Variants in FRY observed in about 807,000 individuals in gnomAD.
FRY encodes FRY microtubule binding protein, also known as protein furry homolog.
A neutral mutation model predicts 348.4 loss-of-function variants in FRY; 128 were observed. The observed-to-expected ratio is 0.37, with a 90% CI of 0.32 to 0.43. The LOEUF is 0.43. Among genes scored for constraint, FRY ranks in the 20% least tolerant of loss-of-function variants. FRY has a pLI of 1.00. For synonymous variants in FRY, 1,370 were observed against 1,374.7 expected (o/e 1.00, Z 0.08); for missense variants, 2,736 against 3,695.2 (o/e 0.74, Z 6.73).
chr13:32,264,312 A>G lies in FRY; in HGVS notation c.7780-1138A>G, dbSNP rs547182073. 3.3e-5 allele frequency among the ~76,000 whole-genome samples: 5 copies of G among 152,266 alleles called. No individual in the cohort carries two copies. The East Asian group carries it at 9.7e-4, about 29-fold the overall frequency. On this transcript the variant is annotated intron_variant, in intron 53 of 60. Coordinates refer to ENST00000542859, the MANE Select transcript of FRY (RefSeq NM_023037.3). ...CAGTATTTACCAGCAATTCCTCCAA[A>G]GACATGAGATATCTTATTTCCCTAA...
chr13:32,281,864 G>A (rs1164861069), intron 58 of FRY, among the ~76,000 whole-genome samples: 1 of 152,190 alleles, frequency 6.6e-6, no homozygotes, highest in Non-Finnish European at 1.5e-5. Context: ...TAATTGGTTA[G>A]TAGATCCTGG....
rs569137167 is a variant in FRY, at chr13:32,136,712, G to C, written c.1078-159G>C. 5.3e-5 allele frequency among the ~76,000 whole-genome samples: 8 copies of C among 152,356 alleles called. No homozygotes were observed. In the East Asian group the frequency reaches 1.5e-3, roughly 29 times the overall value. Reference sequence around the variant, plus strand: ...GAAAGCGTTTGTGAAATGCGCGCCAGTGCCCTGCATCCACTGGGCACTGTT... The same window carrying C: ...GAAAGCGTTTGTGAAATGCGCGCCACTGCCCTGCATCCACTGGGCACTGTT... On this transcript the variant is annotated intron_variant, in intron 10 of 60. Transcript: ENST00000542859.
Position 32,239,630 on chromosome 13 carries a change from C to T in FRY, c.6517-81C>T. 1.0e-6 allele frequency: 1 copy of T among 984,252 alleles called. No individual in the cohort carries two copies. The highest frequency in any genetic ancestry group is 1.6e-6 in the Non-Finnish European group (1 of 626,900). 61.0% of individuals were successfully genotyped at this position (984,252 alleles called of 1,614,324 possible). ...TGTATCAATCTACTTTCCAGATGGC[C>T]AGAGCTTATAGTAAAATTGCTAACA... On this transcript the variant is annotated intron_variant, in intron 45 of 60. Coordinates refer to ENST00000542859, the MANE Select transcript of FRY (RefSeq NM_023037.3). The surrounding 1 kb of genome is among the most constrained non-coding windows in gnomAD (Gnocchi z 4.3).
chr13:32,056,188 TA>T lies in FRY; in HGVS notation c.71-22628del, dbSNP rs1252421652. 3.2e-3 allele frequency among the ~76,000 whole-genome samples: 382 copies of T among 119,720 alleles called. 3 individuals are homozygous for T. The East Asian group carries it at 0.038, about 12-fold the overall frequency. The allele number at this position is 119,720 out of a possible 152,430, so 78.5% of individuals were successfully genotyped here. Reference sequence around the variant, plus strand: ...CCTGGTGACAGAGCGAGACTCCATCTAAAAAAAAAAAAAAAAAAGGAATATA... The same window carrying T: ...CCTGGTGACAGAGCGAGACTCCATCTAAAAAAAAAAAAAAAAAGGAATATA... On this transcript the variant is annotated intron_variant, in intron 1 of 60. Transcript: ENST00000542859.
At chr13:32,151,509 G>T (rs1365572406) in intron 14 of FRY, among the ~76,000 whole-genome samples, 2 of 152,242 alleles carry the variant, frequency 1.3e-5, no homozygotes, top group African/African-American at 2.4e-5. Flanking sequence ...GTAGGGCATT[G>T]TTTCTCGGGA....
intron 1 of FRY, among the ~76,000 whole-genome samples, chr13:32,032,121 G>A (rs1872273760): frequency 6.6e-6 from 1 of 151,926 alleles, no homozygotes; most frequent in Admixed American, 6.6e-5. Flanking sequence ...AGGCTGCAAT[G>A]GAATTACAGT....
chr13:32,297,092 A>G lies in FRY; in HGVS notation c.*1632A>G, dbSNP rs2072074495. 1 of 152,216 alleles carries G rather than the reference A, an allele frequency of 6.6e-6. No homozygotes were observed. Among genetic ancestry groups the G allele is most frequent in the African/African-American group, 2.4e-5 (1 of 41,452 alleles). 9.4% of individuals were successfully genotyped at this position (152,216 alleles called of 1,614,324 possible). On this transcript the variant is annotated 3_prime_UTR_variant, in exon 61 of 61. Transcript: ENST00000542859. Reference sequence around the variant, plus strand: ...TCATATTTTACATGGACCAACAAATATAGCTTGCTTTACTAGCATATGGCT... The same window carrying G: ...TCATATTTTACATGGACCAACAAATGTAGCTTGCTTTACTAGCATATGGCT...
intron 34 of FRY, 119 bp downstream of exon 34, chr13:32,211,153 C>A: frequency 1.1e-6 from 1 of 929,938 alleles, no homozygotes; most frequent in Non-Finnish European, 1.7e-6. Flanking sequence ...TGTGTGCATT[C>A]AGTTAAGAGA....
chr13:32,290,068 T>A (rs941524310), intron 59 of FRY, among the ~76,000 whole-genome samples: 11 of 152,304 alleles, frequency 7.2e-5, no homozygotes, highest in Non-Finnish European at 1.5e-4. Context: ...TTGAAAACTT[T>A]CCATGTGTGT....
chr13:32,237,861 C>T lies in FRY; in HGVS notation c.6293C>T (p.Ser2098Phe), dbSNP rs760117172. The change falls in exon 44 of 61, where the codon TCC (serine) becomes TTC (phenylalanine). Residue 2098 changes from serine to phenylalanine, a missense_variant. By Grantham distance (155) the Ser-to-Phe change is radical. Transcript: ENST00000542859. The surrounding 1 kb of genome is among the most constrained non-coding windows in gnomAD (Gnocchi z 6.3). ...GCACAGCTGAAGTGGGCCGACTTCT[C>T]CGGGCTGCAGCAGCTGCTGCTGAAA... ...LQAQLKWADF[S>F]GLQQLLLKGF... The T allele has an allele frequency of 1.2e-6, 2 of 1,614,176 alleles. No homozygotes were observed. Among genetic ancestry groups the T allele is most frequent in the Non-Finnish European group, 1.7e-6 (2 of 1,180,020 alleles).
Position 32,239,788 on chromosome 13 carries a change from G to A in FRY, c.6594G>A (p.Thr2198=), listed in dbSNP as rs752351313. Reference sequence around the variant, plus strand: ...CTCTTTATAAAACGCACAGCTACACGAGGGACTGTGCCACGTGGGTCAATG... The same window carrying A: ...CTCTTTATAAAACGCACAGCTACACAAGGGACTGTGCCACGTGGGTCAATG... ...VMTLYKTHSY[T]RDCATWVNVV... is the part of the protein sequence containing the mutation. The change falls in exon 46 of 61, where the codon ACG becomes ACA. Residue 2198 remains threonine, a synonymous_variant. Transcript: ENST00000542859. The surrounding 1 kb of genome is among the most constrained non-coding windows in gnomAD (Gnocchi z 4.3). 34 of 1,613,850 alleles carry A rather than the reference G, an allele frequency of 2.1e-5. No homozygotes were observed. Among genetic ancestry groups the A allele is most frequent in the Middle Eastern group, 1.6e-4 (1 of 6,084 alleles).
At chr13:32,084,629 G>A (rs1229874977) in intron 2 of FRY, among the ~76,000 whole-genome samples, 1 of 152,110 alleles carries the variant, frequency 6.6e-6, no homozygotes, top group Non-Finnish European at 1.5e-5. Context: ...ATTCTGTCTT[G>A]CAAACTATTC....
intron 14 of FRY, among the ~76,000 whole-genome samples, chr13:32,154,814 C>A (rs1881009933): frequency 6.6e-6 from 1 of 152,134 alleles, no homozygotes; most frequent in African/African-American, 2.4e-5. Flanking sequence ...TAACTTCTGA[C>A]CTTTGAAGAC....
rs200664651 is a variant in FRY at position 32,218,778 on chromosome 13, G to A, written c.4712G>A (p.Arg1571His). ...AGTAATGTCATCAGAGCCCACACTC[G>A]CCTCGAGTCAAGATACAGCAATAGC... Reference protein sequence around the residue: ...RFSNVIRAHTRLESRYSNSSG... With the variant: ...RFSNVIRAHTHLESRYSNSSG... Residue 1571 changes from arginine to histidine, a missense_variant, in exon 36 of 61, where the codon CGC (arginine) becomes CAC (histidine). By Grantham distance (29) the Arg-to-His change is conservative. Around this residue, in one of 9 missense-constraint regions of FRY, gnomAD observed 794 missense variants for 977.0 expected, o/e 0.81. Coordinates refer to ENST00000542859, the MANE Select transcript of FRY (RefSeq NM_023037.3). 49 of 1,605,628 alleles carry A rather than the reference G, an allele frequency of 3.1e-5. No individual in the cohort carries two copies. The highest frequency in any genetic ancestry group is 2.2e-5 in the East Asian group (1 of 44,750).
intron 36 of FRY, among the ~76,000 whole-genome samples, chr13:32,222,980 G>A (rs1378441978): frequency 1.4e-5 from 2 of 143,288 alleles, no homozygotes; most frequent in Non-Finnish European, 3.2e-5. Context: ...TTGAGACAGA[G>A]TCTTGCTCTG....
chr13:32,264,357 G>T (rs554545597), intron 53 of FRY, among the ~76,000 whole-genome samples: 1 of 151,676 alleles, frequency 6.6e-6, no homozygotes, highest in Non-Finnish European at 1.5e-5. Context: ...ACCATTCCTG[G>T]TAATTTTCCC....
chr13:32,221,759 C>T (rs926477464), intron 36 of FRY, among the ~76,000 whole-genome samples: 2 of 152,220 alleles, frequency 1.3e-5, no homozygotes, highest in African/African-American at 4.8e-5. Flanking sequence ...GTGATCCACC[C>T]GCCTGGGCCT....
chr13:32,106,374 A>G (rs1318647990), intron 3 of FRY, among the ~76,000 whole-genome samples: 1 of 152,050 alleles, frequency 6.6e-6, no homozygotes, highest in Non-Finnish European at 1.5e-5. Context: ...GTTTCTAAAA[A>G]CTAGGTTGAT....
intron 16 of FRY, among the ~76,000 whole-genome samples, chr13:32,159,739 A>G (rs952234216): frequency 2.0e-5 from 3 of 152,202 alleles, no homozygotes; most frequent in African/African-American, 7.2e-5. Context: ...AAATAATCCC[A>G]GCTGTTAAAA....
Sources: allele counts gnomAD v4.1 joint callset (sites outside exome capture counted in the v4.1 genomes callset), GRCh38; gene constraint gnomAD v4.1.1; regional missense constraint gnomAD v4.1.1; non-coding constraint Gnocchi (gnomAD v3.1); transcripts MANE v1.5; gene names NCBI Gene and HGNC (gene_info 2026-07-23, HGNC 2026-07-21).